Variants in CEP290 observed in about 807,000 individuals in gnomAD.
The protein encoded by CEP290 is centrosomal protein 290, also known as centrosomal protein of 290 kDa.
Under a neutral mutation model 344.9 loss-of-function variants are expected in CEP290, and 317 were observed. That is an observed-to-expected ratio of 0.92 (90% CI 0.84 to 1.01). The LOEUF is 1.01. Ranked by LOEUF, CEP290 falls within the 50% of genes least tolerant of loss-of-function variation. The pLI is 0.00. For synonymous variants in CEP290, 932 were observed against 895.8 expected (o/e 1.04, Z -0.72); for missense variants, 2,754 against 2,761.4 (o/e 1.00, Z 0.06).
chr12:88,085,988 C>T (rs916120211), intron 34 of CEP290, 51 bp downstream of exon 34: 11 of 1,526,302 alleles, frequency 7.2e-6, no homozygotes, highest in African/African-American at 5.5e-5. Context: ...TAGAAAGCCC[C>T]CCAAACATAC....
intron 22 of CEP290, among the ~76,000 whole-genome samples, chr12:88,110,763 A>G (rs1467488248): frequency 1.3e-5 from 2 of 152,154 alleles, no homozygotes; most frequent in Admixed American, 6.5e-5. Context: ...TTCTATCATG[A>G]CACTAAAAAG....
At chr12:88,111,640 A>G (rs999757033) in intron 21 of CEP290, 54 bp downstream of exon 21, 18 of 1,429,744 alleles carry the variant, frequency 1.3e-5, no homozygotes, top group Non-Finnish European at 1.7e-5. Flanking sequence ...AAAATTTCCT[A>G]TTAAATCTAC....
chr12:88,104,166 T>A (rs1173972808), intron 25 of CEP290: 2 of 152,126 alleles, frequency 1.3e-5, no homozygotes, highest in Non-Finnish European at 2.9e-5. Flanking sequence ...TTAAAGAATT[T>A]CTTGATGCTC....
At chr12:88,055,518 G>A in intron 50 of CEP290, 58 bp downstream of exon 50, 1 of 1,425,762 alleles carries the variant, frequency 7.0e-7, no homozygotes, top group Non-Finnish European at 9.5e-7. Context: ...ACAATGCAAG[G>A]AACATCTTGC....
intron 41 of CEP290, among the ~76,000 whole-genome samples, chr12:88,073,697 C>T (rs906590525): frequency 6.6e-6 from 1 of 151,696 alleles, no homozygotes; most frequent in African/African-American, 2.4e-5. Flanking sequence ...TTTGGGAGGC[C>T]GAGGCAGGAA....
At position 88,121,053 on chromosome 12, in the gene CEP290, T is replaced by G; in HGVS notation, c.1303A>C (p.Arg435=). 6.2e-7 allele frequency: 1 copy of G among 1,613,610 alleles called. No homozygotes were observed. The highest frequency in any genetic ancestry group is 8.5e-7 in the Non-Finnish European group (1 of 1,179,728). The change falls in exon 14 of 54, where the codon AGG becomes CGG. Residue 435 remains arginine (R), a synonymous_variant. Coordinates refer to ENST00000552810, the MANE Select transcript of CEP290 (RefSeq NM_025114.4). ...TCAACTAATTCTTTATCCTTTTCCCTAGCATCAGCCTCAGCCAGTTCAGCT... is the reference window on the plus strand; with the variant it reads ...TCAACTAATTCTTTATCCTTTTCCCGAGCATCAGCCTCAGCCAGTTCAGCT... ...RTAELAEADA[R]EKDKELVEAL... is the part of the protein sequence containing the mutation.
At chr12:88,132,671 C>T (rs1203648153) in intron 6 of CEP290, among the ~76,000 whole-genome samples, 1 of 152,086 alleles carries the variant, frequency 6.6e-6, no homozygotes, top group East Asian at 1.9e-4. Context: ...GCAAAGTTGG[C>T]ACAACATTAA....
In CEP290 at chr12:88,115,951, T is replaced by C. The variant is rs533323898; in HGVS notation, c.1825-769A>G. On this transcript the variant is annotated intron_variant, in intron 18 of 53. Transcript: ENST00000552810. ...TTTATTATATCTTCTTTCAAATTGA[T>C]ATCAGCATACTTTACTTGGGAATGA... 17 of 984,760 alleles carry C rather than the reference T, an allele frequency of 1.7e-5. 2 individuals carry two copies. The African/African-American group carries it at 1.9e-4, about 11-fold the overall frequency. 61.0% of individuals were successfully genotyped at this position (984,760 alleles called of 1,614,324 possible).
At chr12:88,121,961 T>C (rs1438083522) in intron 13 of CEP290, among the ~76,000 whole-genome samples, 1 of 152,216 alleles carries the variant, frequency 6.6e-6, no homozygotes, top group Non-Finnish European at 1.5e-5. Flanking sequence ...AATATCTTAC[T>C]AAATTGTTAA....
Position 88,139,538 on chromosome 12 carries a change from A to C in CEP290, c.207T>G (p.Ala69=). ...CTCCAGCTTTTTCTACTTCTTCCAA[A>C]GCCAGCTCCACTTCTTGAGCTTTCA... is the stretch of plus-strand genomic sequence containing the variant. ...MKMKAQEVEL[A]LEEVEKAGEE... The change falls in exon 4 of 54, where the codon GCT becomes GCG. Residue 69 remains alanine (A), a synonymous_variant. Coordinates refer to ENST00000552810, the MANE Select transcript of CEP290 (RefSeq NM_025114.4). 1 of 1,594,478 alleles carries C rather than the reference A, an allele frequency of 6.3e-7. No individual in the cohort carries two copies. Among genetic ancestry groups the C allele is most frequent in the Non-Finnish European group, 8.5e-7 (1 of 1,171,518 alleles).
At chr12:88,067,768 G>A (rs933824194) in intron 44 of CEP290, among the ~76,000 whole-genome samples, 2 of 152,094 alleles carry the variant, frequency 1.3e-5, no homozygotes, top group African/African-American at 4.8e-5. Context: ...TTTATTTATT[G>A]TTTGGTCTTG....
intron 20 of CEP290, among the ~76,000 whole-genome samples, chr12:88,113,237 G>A (rs1445462680): frequency 6.6e-5 from 10 of 152,074 alleles, no homozygotes; most frequent in African/African-American, 2.4e-4. Context: ...ACTAAGTAGA[G>A]CTGCCCTTGG....
chr12:88,123,504 C>G (rs7294497), intron 13 of CEP290, among the ~76,000 whole-genome samples: 8,374 of 152,002 alleles, frequency 0.055, 797 homozygotes, highest in African/African-American at 0.19. Flanking sequence ...TTTCTTCTTC[C>G]TTGGTTACAT....
intron 53 of CEP290, 140 bp downstream of exon 53, chr12:88,050,214 C>G: frequency 3.5e-6 from 2 of 566,660 alleles, no homozygotes; most frequent in Non-Finnish European, 6.1e-6. Context: ...GTCAGATGAA[C>G]ATAATTAACT....
rs1437455492 is a variant in CEP290, at chr12:88,086,080, T to C, written c.4396A>G (p.Ile1466Val). 1 of 1,612,918 alleles carries C rather than the reference T, an allele frequency of 6.2e-7. No individual in the cohort carries two copies. Among genetic ancestry groups the C allele is most frequent in the African/African-American group, 1.3e-5 (1 of 74,916 alleles). ...ALRKIKENIRIILETRATCKS... is the reference protein window; with the variant it reads ...ALRKIKENIRVILETRATCKS... ...CAAGTTGCCCGTGTTTCTAGAATTA[T>C]TCGAATGTTCTCCTTAATTTTCCTT... Residue 1466 changes from isoleucine to valine, a missense_variant, in exon 34 of 54, where the codon ATA (isoleucine) becomes GTA (valine). By Grantham distance (29) the Ile-to-Val change is conservative. Coordinates refer to ENST00000552810, the MANE Select transcript of CEP290 (RefSeq NM_025114.4).
In CEP290 at chr12:88,083,081, TTG is replaced by T; in HGVS notation, c.4960_4961del (p.Gln1654LysfsTer5). On this transcript the variant is annotated frameshift_variant, in exon 37 of 54. Coordinates refer to ENST00000552810, the MANE Select transcript of CEP290 (RefSeq NM_025114.4). LOFTEE classifies it high-confidence loss of function. ...TTACTTTTAATTCAGTGATTTCTCT[TTG>T]TCTCTCCAAATCTTGTGATACTTTC... ...LKKVSQDLER[Q>X]REITELKVKE... The T allele has an allele frequency of 6.5e-7, 1 of 1,529,548 alleles. No homozygotes were observed. The highest frequency in any genetic ancestry group is 8.8e-7 in the Non-Finnish European group (1 of 1,138,210). The allele number at this position is 1,529,548 out of a possible 1,614,324, so 94.7% of individuals were successfully genotyped here. A position where few individuals can be genotyped will look rare whatever the true frequency, so the allele number is the denominator to read the frequency against.
In CEP290 at chr12:88,121,025, G is replaced by A. The variant is rs1292015235; in HGVS notation, c.1331C>T (p.Ala444Val). ...TTCATAATCTTTTAACCTCTTCAGA[G>A]CCTCAACTAATTCTTTATCCTTTTC... ...AREKDKELVE[A>V]LKRLKDYESG... Residue 444 changes from alanine (A) to valine (V), a missense_variant, in exon 14 of 54, where the codon GCT becomes GTT. Ala to Val is a moderately conservative substitution (Grantham distance 64, BLOSUM62 0). Transcript: ENST00000552810. 3.1e-6 allele frequency: 5 copies of A among 1,612,906 alleles called. No homozygotes were observed. Among genetic ancestry groups the A allele is most frequent in the Non-Finnish European group, 4.2e-6 (5 of 1,179,630 alleles).
intron 30 of CEP290, among the ~76,000 whole-genome samples, chr12:88,090,462 T>C (rs750622568): frequency 6.6e-6 from 1 of 152,004 alleles, no homozygotes; most frequent in African/African-American, 2.4e-5. Flanking sequence ...TGAAACCCTG[T>C]CTCTACAAAA....
chr12:88,072,623 G>A (rs1028800215), intron 41 of CEP290, among the ~76,000 whole-genome samples: 1 of 152,012 alleles, frequency 6.6e-6, no homozygotes, highest in Non-Finnish European at 1.5e-5. Flanking sequence ...CTGTACAAAC[G>A]ACCAACCTCA....
Sources: gnomAD v4.1 joint callset for allele counts (sites outside exome capture counted in the v4.1 genomes callset) on GRCh38, gnomAD v4.1.1 for gene constraint, MANE v1.5 for transcripts, NCBI Gene and HGNC (gene_info 2026-07-23, HGNC 2026-07-21) for gene names.